The following CCSER2 variants were observed in gnomAD, a reference collection of about 807,000 sequenced individuals.
CCSER2 encodes the protein serine-rich coiled-coil domain-containing protein 2.
Under a neutral mutation model 92.3 loss-of-function variants are expected in CCSER2, and 46 were observed. The ratio of observed to expected loss-of-function variants is 0.50; its 90% confidence interval spans 0.39 to 0.64. The LOEUF (loss-of-function observed/expected upper bound fraction) is 0.64. CCSER2 is among the 30% of genes least tolerant of loss of function. CCSER2 has a pLI of 0.00. For synonymous variants in CCSER2, 433 were observed against 431.4 expected (o/e 1.00, Z -0.04); for missense variants, 1,244 against 1,238.9 (o/e 1.00, Z -0.06).
intron 3 of CCSER2, among the ~76,000 whole-genome samples, chr10:84,382,322 C>G (rs1271794408): frequency 6.6e-6 from 1 of 152,090 alleles, no homozygotes; most frequent in East Asian, 1.9e-4. Flanking sequence ...TGGTTTCAGA[C>G]TAGGATGAAT....
chr10:84,443,389 A>G lies in CCSER2; in HGVS notation c.2064+4682A>G, dbSNP rs138943168. Among the ~76,000 whole-genome samples, 808 of 152,374 alleles carry G rather than the reference A, an allele frequency of 5.3e-3. 23 individuals carry two copies. The East Asian group carries it at 0.057, about 11-fold the overall frequency. Reference sequence around the variant, plus strand: ...CAATTATGCAGCCAACAAACATGAAAAAAAGCTCATCATCACTGGTCATTA... The same window carrying G: ...CAATTATGCAGCCAACAAACATGAAGAAAAGCTCATCATCACTGGTCATTA... On this transcript the variant is annotated intron_variant, in intron 6 of 9. Transcript: ENST00000372088.
At chr10:84,457,672 TTATTATATAAATTATATATATTTATA>T (rs1845849019) in intron 6 of CCSER2, among the ~76,000 whole-genome samples, 4 of 116,562 alleles carry the variant, frequency 3.4e-5, no homozygotes, top group South Asian at 5.2e-4. Flanking sequence ...TTAATTTTAG[TTATTATATAAATTATATATATTTATA>T]TATAATTATA....
At chr10:84,506,429 C>CAG (rs544620610) in intron 9 of CCSER2, among the ~76,000 whole-genome samples, 3 of 152,240 alleles carry the variant, frequency 2.0e-5, no homozygotes, top group African/African-American at 7.2e-5. Flanking sequence ...TACTGATGTG[C>CAG]AGAGCCTCAC....
At chr10:84,364,272 A>G (rs994097846) in intron 1 of CCSER2, among the ~76,000 whole-genome samples, 2 of 152,272 alleles carry the variant, frequency 1.3e-5, no homozygotes, top group Non-Finnish European at 2.9e-5. Context: ...TAATTGCATT[A>G]CAATGTTACA....
intron 1 of CCSER2, among the ~76,000 whole-genome samples, chr10:84,366,618 T>C (rs1231778124): frequency 6.6e-6 from 1 of 152,144 alleles, no homozygotes; most frequent in African/African-American, 2.4e-5. Context: ...TTCCAAGGGG[T>C]CTTTAGCAAA....
At chr10:84,440,194 T>C (rs192494921) in intron 6 of CCSER2, among the ~76,000 whole-genome samples, 25 of 152,318 alleles carry the variant, frequency 1.6e-4, no homozygotes, top group Admixed American at 1.4e-3. Context: ...TGTGTAAAGT[T>C]GTAAATCTCT....
intron 7 of CCSER2, among the ~76,000 whole-genome samples, chr10:84,466,195 A>G (rs2133686251): frequency 6.6e-6 from 1 of 152,350 alleles, no homozygotes; most frequent in African/African-American, 2.4e-5. Context: ...TTAATCAGCA[A>G]ATCCCCAACT....
chr10:84,344,932 A>C (rs1195066586), intron 1 of CCSER2, among the ~76,000 whole-genome samples: 1 of 151,228 alleles, frequency 6.6e-6, no homozygotes, highest in Non-Finnish European at 1.5e-5. Flanking sequence ...GAATAATAAA[A>C]ATATCTACAC....
chr10:84,328,902 A>T (rs1242894108), intron 1 of CCSER2, 94 bp downstream of exon 1: 1 of 151,882 alleles, frequency 6.6e-6, no homozygotes, highest in Non-Finnish European at 1.5e-5. Context: ...GGCGGGGCGG[A>T]GGCCCGAACT....
intron 6 of CCSER2, among the ~76,000 whole-genome samples, chr10:84,458,604 C>T (rs193133320): frequency 1.1e-3 from 168 of 152,218 alleles, no homozygotes; most frequent in Non-Finnish European, 2.1e-3. Context: ...TACTGAATCT[C>T]CAGTTGAGTT....
rs896333608 is a variant in CCSER2 at position 84,517,972 on chromosome 10, A to G, written c.*3705A>G. 6.6e-6 allele frequency: 1 copy of G among 152,212 alleles called. No homozygotes were observed. The highest frequency in any genetic ancestry group is 6.5e-5 in the Admixed American group (1 of 15,286). 9.4% of individuals were successfully genotyped at this position (152,212 alleles called of 1,614,324 possible). ...TTTCAATTTACTTTCCATCTTACCC[A>G]GTAGTTTTTGTGTTTTTAAATTCGT... On this transcript the variant is annotated 3_prime_UTR_variant, in exon 10 of 10. Coordinates refer to ENST00000372088, the MANE Select transcript of CCSER2 (RefSeq NM_001284240.2).
intron 3 of CCSER2, among the ~76,000 whole-genome samples, chr10:84,376,223 C>T (rs1463155228): frequency 6.6e-6 from 1 of 152,126 alleles, no homozygotes; most frequent in Admixed American, 6.5e-5. Context: ...TGTTTACATG[C>T]TACCAGTATT....
chr10:84,337,303 C>A (rs1469712349), intron 1 of CCSER2, among the ~76,000 whole-genome samples: 1 of 152,146 alleles, frequency 6.6e-6, no homozygotes, highest in Non-Finnish European at 1.5e-5. Flanking sequence ...CAAGAAGCCG[C>A]ACGCCTATAA....
chr10:84,392,212 T>TG (rs1211642780), intron 3 of CCSER2, among the ~76,000 whole-genome samples: 1 of 151,112 alleles, frequency 6.6e-6, no homozygotes, highest in East Asian at 2.0e-4. Flanking sequence ...AGGGAGGTGT[T>TG]GCTGTCACTG....
In CCSER2 at chr10:84,371,110, A is replaced by G; in HGVS notation, c.58A>G (p.Thr20Ala). 6.2e-7 allele frequency: 1 copy of G among 1,610,118 alleles called. No individual in the cohort carries two copies. Among genetic ancestry groups the G allele is most frequent in the Non-Finnish European group, 8.5e-7 (1 of 1,178,844 alleles). ...GGGTTCCAAGTTGCCAAAGTATGGAACAAAATCTGTAAGAAGTACATTGCA... is the reference window on the plus strand; with the variant it reads ...GGGTTCCAAGTTGCCAAAGTATGGAGCAAAATCTGTAAGAAGTACATTGCA... ...FLGSKLPKYGTKSVRSTLQPM... is the reference protein window; with the variant it reads ...FLGSKLPKYGAKSVRSTLQPM... The change falls in exon 2 of 10, where the codon ACA (threonine) becomes GCA (alanine). Residue 20 changes from threonine (T) to alanine (A), a missense_variant. Coordinates refer to ENST00000372088, the MANE Select transcript of CCSER2 (RefSeq NM_001284240.2).
intron 3 of CCSER2, among the ~76,000 whole-genome samples, chr10:84,401,707 C>G (rs1034232152): frequency 6.6e-6 from 1 of 152,194 alleles, no homozygotes; most frequent in African/African-American, 2.4e-5. Flanking sequence ...TAACCTCACA[C>G]TAAAACCAGA....
chr10:84,337,371 A>G (rs1047020386), intron 1 of CCSER2, among the ~76,000 whole-genome samples: 1 of 152,212 alleles, frequency 6.6e-6, no homozygotes, highest in African/African-American at 2.4e-5. Flanking sequence ...ATGTTGTAAG[A>G]AGGAGCGAGT....
intron 6 of CCSER2, among the ~76,000 whole-genome samples, chr10:84,443,367 T>C (rs1844697406): frequency 6.6e-6 from 1 of 152,094 alleles, no homozygotes. Flanking sequence ...AAGAAGACAA[T>C]TATGCAGCCA....
At position 84,516,118 on chromosome 10, in the gene CCSER2, G is replaced by T. The variant is rs536410389; in HGVS notation, c.*1851G>T. The T allele has an allele frequency of 6.6e-6, 1 of 152,280 alleles. No homozygotes were observed. Among genetic ancestry groups the T allele is most frequent in the African/African-American group, 2.4e-5 (1 of 41,554 alleles). The allele number at this position is 152,280 out of a possible 1,614,324, so 9.4% of individuals were successfully genotyped here. On this transcript the variant is annotated 3_prime_UTR_variant, in exon 10 of 10. Coordinates refer to ENST00000372088, the MANE Select transcript of CCSER2 (RefSeq NM_001284240.2). ...TTAAAAGATGTATGTTGATGAAATT[G>T]CCCCTTTATAAGAAAAACAACAGCA...
Sources: allele counts gnomAD v4.1 joint callset (sites outside exome capture counted in the v4.1 genomes callset), GRCh38; gene constraint gnomAD v4.1.1; transcripts MANE v1.5; gene names NCBI Gene and HGNC (gene_info 2026-07-23, HGNC 2026-07-21).